The following ADGRB3 variants were observed in gnomAD, a reference collection of about 807,000 sequenced individuals.
ADGRB3 encodes brain-specific angiogenesis inhibitor 3.
A neutral mutation model predicts 193.4 loss-of-function variants in ADGRB3; 37 were observed. The observed-to-expected ratio is 0.19, with a 90% CI of 0.15 to 0.25. ADGRB3 has a LOEUF of 0.25. ADGRB3 is among the 10% of genes least tolerant of loss of function. The probability of loss-of-function intolerance (pLI) is 1.00; values close to 1 mark genes in which losing one functional copy is unlikely to be tolerated. For synonymous variants in ADGRB3, 690 were observed against 644.2 expected, an observed-to-expected ratio of 1.07 and a Z score of -1.08; for missense variants, 1,637 against 1,852.9, an observed-to-expected ratio of 0.88 and a Z score of 2.14.
At chr6:68,638,463 G>A (rs1419153114) in intron 2 of ADGRB3, among the ~76,000 whole-genome samples, 198 bp from the exon 3 acceptor site, 1 of 152,132 alleles carries the variant, frequency 6.6e-6, no homozygotes, top group Non-Finnish European at 1.5e-5. Context: ...TGACCATTGT[G>A]AATGGCCACA....
intron 8 of ADGRB3, among the ~76,000 whole-genome samples, chr6:68,958,893 G>GTA (rs1398907075): frequency 2.0e-5 from 3 of 151,598 alleles, no homozygotes; most frequent in African/African-American, 7.3e-5. Flanking sequence ...GTGTGTGTGT[G>GTA]TGTGTGTGTG....
At chr6:68,809,716 AG>A (rs1376969205) in intron 3 of ADGRB3, among the ~76,000 whole-genome samples, 6 of 152,156 alleles carry the variant, frequency 3.9e-5, no homozygotes, top group South Asian at 2.1e-4. Flanking sequence ...TTGATGAAAA[AG>A]TGATTAATTA....
At chr6:69,258,990 G>A (rs1766843258) in intron 20 of ADGRB3, among the ~76,000 whole-genome samples, 1 of 152,132 alleles carries the variant, frequency 6.6e-6, no homozygotes, top group South Asian at 2.1e-4. Context: ...TCCTGTGTTG[G>A]TCTATTCCAC....
intron 3 of ADGRB3, among the ~76,000 whole-genome samples, chr6:68,901,982 T>A (rs1016026734): frequency 1.3e-5 from 2 of 152,182 alleles, no homozygotes; most frequent in African/African-American, 4.8e-5. Context: ...CTGGAAGCCG[T>A]CTTGTTCTCA....
At chr6:69,230,448 C>T (rs1766107694) in intron 17 of ADGRB3, among the ~76,000 whole-genome samples, 1 of 152,152 alleles carries the variant, frequency 6.6e-6, no homozygotes, top group African/African-American at 2.4e-5. Flanking sequence ...ATTTGCTCTG[C>T]CACATATCAA....
intron 5 of ADGRB3, among the ~76,000 whole-genome samples, chr6:68,938,440 G>GTGTA (rs1554223666): frequency 6.9e-6 from 1 of 144,680 alleles, no homozygotes; most frequent in East Asian, 2.2e-4. Context: ...ATATTTTGAG[G>GTGTA]TATATATATA....
intron 13 of ADGRB3, among the ~76,000 whole-genome samples, chr6:69,027,490 A>G (rs1770469661): frequency 6.6e-6 from 1 of 152,222 alleles, no homozygotes; most frequent in African/African-American, 2.4e-5. Flanking sequence ...TGTACAGTAT[A>G]GTAAATACTA....
At chr6:68,671,135 A>G (rs914087744) in intron 3 of ADGRB3, among the ~76,000 whole-genome samples, 1 of 151,910 alleles carries the variant, frequency 6.6e-6, no homozygotes, top group Non-Finnish European at 1.5e-5. Context: ...CTGAATTTTT[A>G]TCAGTTCTAA....
chr6:69,025,794 TTTGA>T (rs1368122775), intron 13 of ADGRB3, among the ~76,000 whole-genome samples: 1 of 152,236 alleles, frequency 6.6e-6, no homozygotes. Context: ...TGTAGAGTTC[TTTGA>T]TTGCTTCTCA....
At chr6:68,790,694 C>T (rs2127366378) in intron 3 of ADGRB3, among the ~76,000 whole-genome samples, 1 of 152,284 alleles carries the variant, frequency 6.6e-6, no homozygotes, top group Non-Finnish European at 1.5e-5. Context: ...GAGTGGACCT[C>T]TAGCAAACTC....
At chr6:68,950,571 A>G (rs1231217871) in intron 6 of ADGRB3, among the ~76,000 whole-genome samples, 1 of 152,186 alleles carries the variant, frequency 6.6e-6, no homozygotes, top group African/African-American at 2.4e-5. Flanking sequence ...TTTAAGGGCT[A>G]TAGACACCCA....
intron 3 of ADGRB3, among the ~76,000 whole-genome samples, chr6:68,670,858 A>G (rs1341638955): frequency 6.6e-6 from 1 of 152,024 alleles, no homozygotes; most frequent in African/African-American, 2.4e-5. Flanking sequence ...TAGTATGGAC[A>G]TTTTAACAAT....
intron 3 of ADGRB3, among the ~76,000 whole-genome samples, chr6:68,727,855 T>C (rs1184637815): frequency 1.3e-5 from 2 of 151,588 alleles, no homozygotes; most frequent in Non-Finnish European, 3.0e-5. Flanking sequence ...CTGGGTGATA[T>C]AATCGTTCTC....
chr6:68,857,205 C>T (rs1033614332), intron 3 of ADGRB3, among the ~76,000 whole-genome samples: 2 of 152,196 alleles, frequency 1.3e-5, no homozygotes, highest in Non-Finnish European at 2.9e-5. Flanking sequence ...GGGTTGGAGC[C>T]CCCACACAGA....
At chr6:69,006,929 A>T (rs564456015) in intron 11 of ADGRB3, among the ~76,000 whole-genome samples, 2 of 151,460 alleles carry the variant, frequency 1.3e-5, no homozygotes, top group African/African-American at 2.4e-5. Context: ...ATAATCTTAA[A>T]TTTTTTTTTG....
intron 16 of ADGRB3, 141 bp from the exon 17 acceptor site, chr6:69,075,854 T>C (rs1480667939): frequency 3.0e-6 from 2 of 658,032 alleles, no homozygotes; most frequent in Non-Finnish European, 5.1e-6. Flanking sequence ...AAATTTCTTA[T>C]AAATAATTAA....
chr6:68,779,685 G>GGTGT (rs36092613), intron 3 of ADGRB3, among the ~76,000 whole-genome samples: 2,146 of 152,096 alleles, frequency 0.014, 56 homozygotes, highest in African/African-American at 0.047. Context: ...TTAAACATTA[G>GGTGT]GTGTTATTTT....
At chr6:68,752,334 T>TG (rs1447611147) in intron 3 of ADGRB3, among the ~76,000 whole-genome samples, 3 of 149,118 alleles carry the variant, frequency 2.0e-5, no homozygotes, top group African/African-American at 7.4e-5. Flanking sequence ...TGGAGTGCAA[T>TG]GGTGCAATCT....
In ADGRB3 at chr6:69,153,316, C is replaced by T. The variant is rs374320422; in HGVS notation, c.2480+77278C>T. Reference sequence around the variant, plus strand: ...GCTTCTAAACACATACCTTTGAGATCCAGGGAGTTGTATTGTTGTCTCTTT... The same window carrying T: ...GCTTCTAAACACATACCTTTGAGATTCAGGGAGTTGTATTGTTGTCTCTTT... On this transcript the variant is annotated intron_variant, in intron 17 of 31. Coordinates refer to ENST00000370598, the MANE Select transcript of ADGRB3 (RefSeq NM_001704.3). 4.6e-5 allele frequency among the ~76,000 whole-genome samples: 7 copies of T among 152,178 alleles called. No individual in the cohort carries two copies. The East Asian group carries it at 1.4e-3, about 29-fold the overall frequency.
Sources: gnomAD v4.1 joint callset for allele counts (sites outside exome capture counted in the v4.1 genomes callset) on GRCh38, gnomAD v4.1.1 for gene constraint, MANE v1.5 for transcripts, NCBI Gene and HGNC (gene_info 2026-07-23, HGNC 2026-07-21) for gene names.